Variants in SAMD5 observed in about 807,000 individuals in gnomAD.
SAMD5 encodes sterile alpha motif domain containing 5.
Under a neutral mutation model 11.3 loss-of-function variants are expected in SAMD5, and 13 were observed. That is an observed-to-expected ratio of 1.15 (90% CI 0.75 to 1.83). The LOEUF (loss-of-function observed/expected upper bound fraction) is 1.83, where lower values mean the gene tolerates loss of function less well. Ranked by LOEUF, SAMD5 falls within the 40% of genes most tolerant of loss-of-function variation. The probability of loss-of-function intolerance (pLI) is 0.00; values close to 1 mark genes in which losing one functional copy is unlikely to be tolerated. For synonymous variants in SAMD5, 129 were observed against 111.3 expected (o/e 1.16, Z -1.00); for missense variants, 255 against 239.1 (o/e 1.07, Z -0.44).
chr6:147,576,899 T>C (rs936299235), intron 1 of SAMD5, among the ~76,000 whole-genome samples: 2 of 152,258 alleles, frequency 1.3e-5, no homozygotes, highest in African/African-American at 2.4e-5. Flanking sequence ...CCAAGGAGTA[T>C]TAAATTGCCC....
At chr6:147,571,467 T>G (rs1002434216), downstream of SAMD5, among the ~76,000 whole-genome samples, 2 of 152,234 alleles carry the variant, frequency 1.3e-5, no homozygotes, top group Non-Finnish European at 2.9e-5. Context: ...AATGAAAAAC[T>G]TACTCTACCC....
At chr6:147,580,099 A>G (rs940852988) in intron 1 of SAMD5, among the ~76,000 whole-genome samples, 1 of 152,210 alleles carries the variant, frequency 6.6e-6, no homozygotes, top group African/African-American at 2.4e-5. Flanking sequence ...CACCATGCAC[A>G]AAATGTTGCT....
the SAMD5 span, among the ~76,000 whole-genome samples, chr6:147,794,139 G>A: frequency 2.0e-5 from 3 of 152,022 alleles, no homozygotes; most frequent in African/African-American, 4.8e-5. Context: ...TTAATAAATA[G>A]CACTTATTTG....
At chr6:147,517,611 T>C (rs760763561) in intron 1 of SAMD5, among the ~76,000 whole-genome samples, 1 of 152,206 alleles carries the variant, frequency 6.6e-6, no homozygotes, top group South Asian at 2.1e-4. Flanking sequence ...CAAAATTAGG[T>C]AGTAATCTTG....
chr6:147,940,297 T>C, the SAMD5 span, among the ~76,000 whole-genome samples: 10 of 150,212 alleles, frequency 6.7e-5, no homozygotes, highest in Non-Finnish European at 1.2e-4. Flanking sequence ...GCCAGCAGGA[T>C]GGGATTTTAT....
intron 1 of SAMD5, among the ~76,000 whole-genome samples, chr6:147,700,181 A>G (rs1397682934): frequency 1.3e-5 from 2 of 152,172 alleles, no homozygotes; most frequent in East Asian, 3.8e-4. Flanking sequence ...AACTCGTAAG[A>G]TTTTTTAAAT....
the SAMD5 span, among the ~76,000 whole-genome samples, chr6:147,870,738 C>T: frequency 7.1e-3 from 939 of 132,832 alleles, 12 homozygotes; most frequent in African/African-American, 0.026. Context: ...AATCTGGAGG[C>T]GAGGGGAGAG....
the SAMD5 span, among the ~76,000 whole-genome samples, chr6:147,752,430 G>C: frequency 6.6e-6 from 1 of 152,072 alleles, no homozygotes; most frequent in Non-Finnish European, 1.5e-5. Flanking sequence ...TATACATACT[G>C]TCACAATGGA....
intron 1 of SAMD5, among the ~76,000 whole-genome samples, chr6:147,697,888 A>G (rs1324898628): frequency 6.6e-6 from 1 of 152,180 alleles, no homozygotes; most frequent in African/African-American, 2.4e-5. Context: ...TTAGCTAAAA[A>G]AACTATGTAG....
chr6:147,935,938 G>A, the SAMD5 span, among the ~76,000 whole-genome samples: 35,582 of 152,052 alleles, frequency 0.23, 4,815 homozygotes, highest in African/African-American at 0.36. Context: ...CAATAAGTTT[G>A]TAAGCTTTAA....
intron 1 of SAMD5, among the ~76,000 whole-genome samples, chr6:147,584,945 A>C (rs1430187984): frequency 6.6e-6 from 1 of 152,212 alleles, no homozygotes; most frequent in East Asian, 1.9e-4. Context: ...AGATGTTACA[A>C]ACCAATGGTC....
At chr6:147,703,306 A>G (rs1170968468) in intron 1 of SAMD5, among the ~76,000 whole-genome samples, 3 of 152,180 alleles carry the variant, frequency 2.0e-5, no homozygotes, top group African/African-American at 4.8e-5. Flanking sequence ...TCCTGACCTC[A>G]GGTGATCTGC....
intron 1 of SAMD5, among the ~76,000 whole-genome samples, chr6:147,543,439 A>G (rs1445855438): frequency 6.6e-6 from 1 of 152,244 alleles, no homozygotes; most frequent in Non-Finnish European, 1.5e-5. Context: ...ACAATTTACT[A>G]TCAGAGTCTT....
the SAMD5 span, among the ~76,000 whole-genome samples, chr6:147,835,239 AAAAAAAAC>A: frequency 4.6e-5 from 7 of 150,600 alleles, no homozygotes; most frequent in African/African-American, 1.2e-4. Flanking sequence ...TCTTAAAAAA[AAAAAAAAC>A]AAAAAAAACA....
At chr6:147,737,312 T>A (rs1394039545) in intron 1 of SAMD5, 7 of 1,222,942 alleles carry the variant, frequency 5.7e-6, no homozygotes, top group Non-Finnish European at 7.4e-6. Flanking sequence ...CTTTTTATGC[T>A]CCAGGTATTA....
intron 1 of SAMD5, among the ~76,000 whole-genome samples, chr6:147,709,381 G>C (rs1297789484): frequency 6.6e-6 from 1 of 152,140 alleles, no homozygotes; most frequent in Non-Finnish European, 1.5e-5. Context: ...CAGCAGTTAG[G>C]GAAGGTCATG....
chr6:147,798,494 G>A, the SAMD5 span, among the ~76,000 whole-genome samples: 2 of 149,588 alleles, frequency 1.3e-5, no homozygotes, highest in African/African-American at 2.5e-5. Flanking sequence ...CCAAGTATGT[G>A]GTCAATTTTG....
At chr6:147,547,939 G>A (rs988506539) in intron 1 of SAMD5, among the ~76,000 whole-genome samples, 1 of 152,200 alleles carries the variant, frequency 6.6e-6, no homozygotes, top group Non-Finnish European at 1.5e-5. Context: ...GGAGGTGGCT[G>A]AAGCTGGTGG....
At chr6:147,889,614 T>C in the SAMD5 span, among the ~76,000 whole-genome samples, 2 of 152,214 alleles carry the variant, frequency 1.3e-5, no homozygotes, top group Non-Finnish European at 2.9e-5. Context: ...TGTCACAAAA[T>C]TTGCGTCAAA....
Sources: allele counts gnomAD v4.1 joint callset (sites outside exome capture counted in the v4.1 genomes callset), GRCh38; gene constraint gnomAD v4.1.1; transcripts MANE v1.5; gene names NCBI Gene and HGNC (gene_info 2026-07-23, HGNC 2026-07-21).